PCDH15: variants seen among roughly 807,000 people sequenced by gnomAD.
PCDH15 encodes the protein protocadherin-15.
A neutral mutation model predicts 178.5 loss-of-function variants in PCDH15; 129 were observed. That is an observed-to-expected ratio of 0.72 (90% CI 0.63 to 0.84). PCDH15 has a LOEUF of 0.84. Among genes scored for constraint, PCDH15 ranks in the 40% least tolerant of loss-of-function variants. PCDH15 has a pLI of 0.00. For missense variants in PCDH15, 2,230 were observed against 2,099.9 expected, an observed-to-expected ratio of 1.06 and a Z score of -1.21; for synonymous variants, 800 against 732.0, an observed-to-expected ratio of 1.09 and a Z score of -1.50.
intron 1 of PCDH15, among the ~76,000 whole-genome samples, chr10:55,296,473 A>C (rs1007124575): frequency 6.6e-6 from 1 of 152,138 alleles, no homozygotes; most frequent in Non-Finnish European, 1.5e-5. Context: ...TGTTCCTTTC[A>C]CCCGTATCAC....
At chr10:55,538,882 CTTCCTTCCTTTCCTTCCTTCCTTCCTCCT>C (rs1841683314) in intron 2 of PCDH15, among the ~76,000 whole-genome samples, 21 of 47,254 alleles carry the variant, frequency 4.4e-4, no homozygotes, top group African/African-American at 1.1e-3. Flanking sequence ...TCCTTCCTCC[CTTCCTTCCTTTCCTTCCTTCCTTCCTCCT>C]TTCCTTCCTT....
At chr10:55,423,403 C>T (rs1838672491) in intron 2 of PCDH15, among the ~76,000 whole-genome samples, 1 of 151,856 alleles carries the variant, frequency 6.6e-6, no homozygotes, top group African/African-American at 2.4e-5. Flanking sequence ...AACATGTCAA[C>T]ATCTAAGATG....
chr10:53,989,800 T>C (rs1360428246), intron 21 of PCDH15, among the ~76,000 whole-genome samples: 1 of 151,952 alleles, frequency 6.6e-6, no homozygotes, highest in Non-Finnish European at 1.5e-5. Flanking sequence ...ATAATCTAAA[T>C]CAATACAGAC....
intron 3 of PCDH15, among the ~76,000 whole-genome samples, chr10:54,850,299 A>T (rs1023921974): frequency 6.6e-6 from 1 of 152,006 alleles, no homozygotes; most frequent in African/African-American, 2.4e-5. Context: ...TTTATTTTTT[A>T]TTTCCATAGA....
At chr10:55,609,867 C>G (rs956463400) in intron 2 of PCDH15, among the ~76,000 whole-genome samples, 3 of 151,948 alleles carry the variant, frequency 2.0e-5, no homozygotes, top group African/African-American at 7.3e-5. Context: ...AAATAAATAT[C>G]TGATCATATA....
intron 2 of PCDH15, among the ~76,000 whole-genome samples, chr10:54,962,989 C>T (rs931209465): frequency 6.6e-6 from 1 of 152,186 alleles, no homozygotes; most frequent in East Asian, 1.9e-4. Flanking sequence ...TGAGAAGATA[C>T]AGGCTTGACT....
intron 2 of PCDH15, among the ~76,000 whole-genome samples, chr10:54,996,053 G>T (rs1356614569): frequency 6.6e-6 from 1 of 152,102 alleles, no homozygotes; most frequent in Non-Finnish European, 1.5e-5. Context: ...GTGGGGAGCA[G>T]GACCTATACT....
chr10:54,700,147 G>A (rs1168081853), intron 1 of PCDH15, among the ~76,000 whole-genome samples: 1 of 151,924 alleles, frequency 6.6e-6, no homozygotes, highest in Non-Finnish European at 1.5e-5. Flanking sequence ...AAAGTCAATC[G>A]ACTGAACCCA....
Position 53,903,289 on chromosome 10 carries a change from C to T in PCDH15, c.3455G>A (p.Gly1152Asp). 1 of 1,613,144 alleles carries T rather than the reference C, an allele frequency of 6.2e-7. No homozygotes were observed. The highest frequency in any genetic ancestry group is 2.2e-5 in the East Asian group (1 of 44,798). The change falls in exon 26 of 38, where the codon GGT becomes GAT. Residue 1152 changes from glycine (G) to aspartate (D), a missense_variant. By Grantham distance (94) the Gly-to-Asp change is moderately conservative. Coordinates refer to ENST00000644397, the MANE Select transcript of PCDH15 (RefSeq NM_001384140.1). ...PVFQKKFYIG[G>D]VSEDARMFTS... ...AAACATTCTTGCATCTTCAGATACA[C>T]CTCCGATGTAGAATTTTTTCTGAAA...
At chr10:54,570,817 A>AT (rs113582458) in intron 2 of PCDH15, among the ~76,000 whole-genome samples, 12 of 9,972 alleles carry the variant, frequency 1.2e-3, no homozygotes, top group African/African-American at 4.6e-3. Flanking sequence ...ACGCCTGGCT[A>AT]TTTTTTTTTT....
chr10:54,439,074 G>T (rs1016255205), intron 3 of PCDH15, among the ~76,000 whole-genome samples: 19 of 151,864 alleles, frequency 1.3e-4, no homozygotes, highest in African/African-American at 4.4e-4. Context: ...AAAAATCTGA[G>T]ACATAAGGAA....
In PCDH15 at chr10:54,510,730, C is replaced by T. The variant is rs2081574534; in HGVS notation, c.157+17082G>A. Among the ~76,000 whole-genome samples, 6 of 152,220 alleles carry T rather than the reference C, an allele frequency of 3.9e-5. No homozygotes were observed. The South Asian group carries it at 1.0e-3, about 26-fold the overall frequency. ...CTATAAACAAGCTATGACCATGTGA[C>T]CAATTGCAAACATAAGAATTGCGAT... On this transcript the variant is annotated intron_variant, in intron 3 of 37. Coordinates refer to ENST00000644397, the MANE Select transcript of PCDH15 (RefSeq NM_001384140.1).
At chr10:54,483,226 AC>A (rs1459179252) in intron 3 of PCDH15, among the ~76,000 whole-genome samples, 1 of 151,828 alleles carries the variant, frequency 6.6e-6, no homozygotes. Flanking sequence ...GACAACAGCA[AC>A]ATTAGAGGGG....
chr10:54,144,300 G>C (rs1319956097), intron 14 of PCDH15, among the ~76,000 whole-genome samples: 1 of 152,068 alleles, frequency 6.6e-6, no homozygotes, highest in Non-Finnish European at 1.5e-5. Context: ...CAGTCCCATA[G>C]ATCACTTTTT....
At chr10:54,066,189 AG>A in intron 18 of PCDH15, among the ~76,000 whole-genome samples, 1 of 152,354 alleles carries the variant, frequency 6.6e-6, no homozygotes, top group South Asian at 2.1e-4. Flanking sequence ...CAAATGAGGA[AG>A]TACTGTCTCT....
chr10:55,263,277 G>T (rs544869965), intron 1 of PCDH15, among the ~76,000 whole-genome samples: 6 of 152,244 alleles, frequency 3.9e-5, no homozygotes, highest in African/African-American at 1.4e-4. Flanking sequence ...GGTTTGAAAT[G>T]GCTTTTATCT....
chr10:54,446,920 G>T (rs374862024), intron 3 of PCDH15, among the ~76,000 whole-genome samples: 37 of 151,622 alleles, frequency 2.4e-4, no homozygotes, highest in Middle Eastern at 3.4e-3. Context: ...TAAGATTGTT[G>T]CAACTAACTG....
intron 3 of PCDH15, among the ~76,000 whole-genome samples, chr10:54,871,659 A>T (rs2131795538): frequency 6.6e-6 from 1 of 152,132 alleles, no homozygotes; most frequent in East Asian, 1.9e-4. Context: ...TAATCAATCT[A>T]TTAGGTTAGG....
chr10:54,897,518 T>G (rs546061154), intron 2 of PCDH15: 1 of 152,314 alleles, frequency 6.6e-6, no homozygotes, highest in South Asian at 2.1e-4. Flanking sequence ...TAAAAAGAAC[T>G]TATTCAGTCA....
Sources: allele counts gnomAD v4.1 joint callset (sites outside exome capture counted in the v4.1 genomes callset), GRCh38; gene constraint gnomAD v4.1.1; transcripts MANE v1.5; gene names NCBI Gene and HGNC (gene_info 2026-07-23, HGNC 2026-07-21).